The following IGFBP7 variants were observed in gnomAD, a reference collection of about 807,000 sequenced individuals.
IGFBP7 encodes insulin-like growth factor-binding protein 7.
A neutral mutation model predicts 29.4 loss-of-function variants in IGFBP7; 31 were observed. The observed-to-expected ratio is 1.05, with a 90% CI of 0.79 to 1.42. IGFBP7 has a LOEUF of 1.42. Among genes scored for constraint, IGFBP7 ranks in the 40% most tolerant of loss-of-function variants. IGFBP7 has a pLI of 0.00. For synonymous variants in IGFBP7, 172 were observed against 174.9 expected (o/e 0.98, Z 0.13); for missense variants, 393 against 395.5 (o/e 0.99, Z 0.05).
rs771747992 is a variant in IGFBP7, at chr4:57,108,510, G to A, written c.475+1367C>T. Among the ~76,000 whole-genome samples, 8 of 151,150 alleles carry A rather than the reference G, an allele frequency of 5.3e-5. No homozygotes were observed. In the East Asian group the frequency reaches 7.8e-4, roughly 15 times the overall value. On this transcript the variant is annotated intron_variant, in intron 1 of 4. Coordinates refer to ENST00000295666, the MANE Select transcript of IGFBP7 (RefSeq NM_001553.3). ...AATTTCTATGTGTGTGTGTATGTGC[G>A]TGTATTTGCAAGTCCAGACTTTATT...
intron 1 of IGFBP7, among the ~76,000 whole-genome samples, chr4:57,098,519 A>G (rs1257328961): frequency 6.6e-6 from 1 of 152,152 alleles, no homozygotes; most frequent in African/African-American, 2.4e-5. Context: ...CAGTGCAGAA[A>G]GAGTCAAGTC....
At chr4:57,057,006 AT>A (rs139810572) in intron 1 of IGFBP7, among the ~76,000 whole-genome samples, 1,883 of 151,384 alleles carry the variant, frequency 0.012, 47 homozygotes, top group African/African-American at 0.043. Flanking sequence ...TCTATAGTAG[AT>A]TTTTTTTTCT....
chr4:57,040,742 A>G (rs563195642), intron 2 of IGFBP7, 82 bp downstream of exon 2: 1 of 1,008,672 alleles, frequency 9.9e-7, no homozygotes, highest in African/African-American at 1.6e-5. Flanking sequence ...AAGCAGGCTG[A>G]GGATTTAACG....
chr4:57,037,254 C>G (rs763904445), intron 2 of IGFBP7, among the ~76,000 whole-genome samples: 1 of 152,178 alleles, frequency 6.6e-6, no homozygotes, highest in Non-Finnish European at 1.5e-5. Context: ...TAGAGGAAAA[C>G]CGGCAGAGCA....
chr4:57,045,456 G>A (rs1724337779), intron 1 of IGFBP7, among the ~76,000 whole-genome samples: 1 of 152,198 alleles, frequency 6.6e-6, no homozygotes, highest in African/African-American at 2.4e-5. Context: ...ACGGCCTTTT[G>A]GTTTTGAGAT....
intron 3 of IGFBP7, among the ~76,000 whole-genome samples, chr4:57,032,806 CATT>C (rs1560487947): frequency 6.6e-6 from 1 of 152,196 alleles, no homozygotes; most frequent in Admixed American, 6.5e-5. Context: ...GATAGGTACA[CATT>C]ATCGGTTTAA....
At chr4:57,103,074 C>G (rs968208243) in intron 1 of IGFBP7, among the ~76,000 whole-genome samples, 6 of 152,174 alleles carry the variant, frequency 3.9e-5, no homozygotes, top group African/African-American at 1.4e-4. Context: ...TTTTCACTCC[C>G]AAGTAGCAAG....
At chr4:57,069,443 T>TA (rs1480418327) in intron 1 of IGFBP7, among the ~76,000 whole-genome samples, 1 of 151,968 alleles carries the variant, frequency 6.6e-6, no homozygotes, top group Non-Finnish European at 1.5e-5. Flanking sequence ...AAACAAAAAA[T>TA]AAAAAATTAG....
chr4:57,054,639 C>CAAAAAAAAAAAAAAA (rs75161514), intron 1 of IGFBP7, among the ~76,000 whole-genome samples: 1 of 27,892 alleles, frequency 3.6e-5, no homozygotes, highest in Non-Finnish European at 7.8e-5. Context: ...CTCTCTCTCA[C>CAAAAAAAAAAAAAAA]AAAAAAAAAA....
chr4:57,090,237 G>A (rs947509373), intron 1 of IGFBP7, among the ~76,000 whole-genome samples: 5 of 152,258 alleles, frequency 3.3e-5, no homozygotes, highest in Non-Finnish European at 4.4e-5. Context: ...GAAAACTGCC[G>A]TCAACTGTTC....
intron 1 of IGFBP7, among the ~76,000 whole-genome samples, chr4:57,049,511 T>G (rs890597832): frequency 9.2e-5 from 14 of 152,200 alleles, no homozygotes; most frequent in African/African-American, 3.4e-4. Flanking sequence ...TGCCCTTACC[T>G]ACTTGGAATA....
At chr4:57,033,396 A>G in intron 2 of IGFBP7, 85 bp from the exon 3 acceptor site, 1 of 850,170 alleles carries the variant, frequency 1.2e-6, no homozygotes, top group Non-Finnish European at 2.1e-6. Context: ...AATTGCACAT[A>G]GTGTATGTCA....
intron 1 of IGFBP7, among the ~76,000 whole-genome samples, chr4:57,056,823 A>C (rs377438774): frequency 6.6e-6 from 1 of 152,192 alleles, no homozygotes. Context: ...TTCTGCTCTT[A>C]TTGGCATTTT....
At chr4:57,048,457 A>G (rs529659181) in intron 1 of IGFBP7, among the ~76,000 whole-genome samples, 91 of 152,334 alleles carry the variant, frequency 6.0e-4, no homozygotes, top group Non-Finnish European at 1.1e-3. Flanking sequence ...AAAAAGTACT[A>G]CTGATACAGA....
intron 1 of IGFBP7, among the ~76,000 whole-genome samples, chr4:57,106,499 A>C (rs145074439): frequency 6.6e-6 from 1 of 152,296 alleles, no homozygotes; most frequent in Non-Finnish European, 1.5e-5. Flanking sequence ...GCAGACACTT[A>C]CTGTGGCTAG....
intron 1 of IGFBP7, among the ~76,000 whole-genome samples, chr4:57,051,377 A>T (rs1724499121): frequency 1.3e-5 from 2 of 152,212 alleles, no homozygotes; most frequent in South Asian, 4.1e-4. Context: ...GGGGAGGAGA[A>T]GAAAGTACAA....
chr4:57,062,170 C>T (rs1380714585), intron 1 of IGFBP7, among the ~76,000 whole-genome samples: 1 of 152,058 alleles, frequency 6.6e-6, no homozygotes, highest in Non-Finnish European at 1.5e-5. Flanking sequence ...TACCGTGATA[C>T]CTGTCTACAT....
chr4:57,103,660 C>CTTTTTTTTTTTTTTTTTTTTTTTTTCTTT (rs59173874), intron 1 of IGFBP7, among the ~76,000 whole-genome samples: 2 of 86,480 alleles, frequency 2.3e-5, no homozygotes, highest in African/African-American at 8.9e-5. Context: ...TTTTTCTTTT[C>CTTTTTTTTTTTTTTTTTTTTTTTTTCTTT]TTTTTTTTTT....
intron 1 of IGFBP7, among the ~76,000 whole-genome samples, chr4:57,100,040 T>C (rs1725857056): frequency 6.6e-6 from 1 of 150,708 alleles, no homozygotes. Flanking sequence ...CCTGCCAGGC[T>C]CTACGTTTCT....
Sources: gnomAD v4.1 joint callset for allele counts (sites outside exome capture counted in the v4.1 genomes callset) on GRCh38, gnomAD v4.1.1 for gene constraint, MANE v1.5 for transcripts, NCBI Gene and HGNC (gene_info 2026-07-23, HGNC 2026-07-21) for gene names.